PCDHGA4: variants seen among roughly 807,000 people sequenced by gnomAD.
PCDHGA4 encodes the protein protocadherin gamma subfamily A, 4, also known as protocadherin gamma-A4.
Under a neutral mutation model 54.6 loss-of-function variants are expected in PCDHGA4, and 38 were observed. That is an observed-to-expected ratio of 0.70 (90% CI 0.54 to 0.91). The LOEUF (loss-of-function observed/expected upper bound fraction) is 0.91. PCDHGA4 is among the 40% of genes least tolerant of loss of function. PCDHGA4 has a pLI of 0.00. For synonymous variants in PCDHGA4, 511 were observed against 512.9 expected (o/e 1.00, Z 0.05); for missense variants, 1,298 against 1,220.9 (o/e 1.06, Z -0.94).
intron 1 of PCDHGA4, chr5:141,383,026 T>A (rs767610901): frequency 6.2e-7 from 1 of 1,613,590 alleles, no homozygotes; most frequent in Non-Finnish European, 8.5e-7. Context: ...GGACAAAGGG[T>A]CCTTTGTGGG....
Position 141,491,898 on chromosome 5 carries a change from G to C in PCDHGA4, c.2515-2909G>C, listed in dbSNP as rs772673872. 9.0e-5 allele frequency: 129 copies of C among 1,428,816 alleles called. 1 individual carries two copies. In the Middle Eastern group the frequency reaches 2.0e-3, roughly 22 times the overall value. The allele number at this position is 1,428,816 out of a possible 1,614,324, so 88.5% of individuals were successfully genotyped here. On this transcript the variant is annotated intron_variant, in intron 1 of 3. Coordinates refer to ENST00000571252, the MANE Select transcript of PCDHGA4 (RefSeq NM_018917.4). The surrounding 1 kb of genome is among the most constrained non-coding windows in gnomAD (Gnocchi z 6.9). ...ATTAAGGGATGGGGCTCCGAGCACCGGGGGTGGTGGCGACTGTGGGCGAGG... is the reference window on the plus strand; with the variant it reads ...ATTAAGGGATGGGGCTCCGAGCACCCGGGGTGGTGGCGACTGTGGGCGAGG...
intron 1 of PCDHGA4, chr5:141,390,038 C>T: frequency 1.9e-6 from 3 of 1,614,060 alleles, no homozygotes; most frequent in Non-Finnish European, 2.5e-6. Flanking sequence ...GCTCCTCCAG[C>T]CCCGCCTCCT....
At chr5:141,478,142 G>C in intron 1 of PCDHGA4, 1 of 1,613,988 alleles carries the variant, frequency 6.2e-7, no homozygotes, top group South Asian at 1.1e-5. Flanking sequence ...AGCCCGAGCC[G>C]AGTTCCCCTC....
rs370995300 is a variant in PCDHGA4, at chr5:141,399,359, C to T, written c.2514+41738C>T. ...GATGGAACCCTAGACCGAGAGCAAACCCCGGAGTACAATGTCACCATCACA... is the reference window on the plus strand; with the variant it reads ...GATGGAACCCTAGACCGAGAGCAAATCCCGGAGTACAATGTCACCATCACA... On this transcript the variant is annotated intron_variant, in intron 1 of 3. Coordinates refer to ENST00000571252, the MANE Select transcript of PCDHGA4 (RefSeq NM_018917.4). 2.6e-4 allele frequency: 427 copies of T among 1,613,884 alleles called. No individual in the cohort carries two copies. The highest frequency in any genetic ancestry group is 1.2e-4 in the Non-Finnish European group (140 of 1,179,916).
intron 1 of PCDHGA4, chr5:141,393,480 T>G (rs1026854698): frequency 5.0e-6 from 8 of 1,613,942 alleles, no homozygotes; most frequent in Non-Finnish European, 6.8e-6. Context: ...GCCGCCTCGC[T>G]CTAGCACAGT....
intron 1 of PCDHGA4, chr5:141,393,880 T>A (rs1561645063): frequency 6.2e-7 from 1 of 1,614,004 alleles, no homozygotes; most frequent in Non-Finnish European, 8.5e-7. Context: ...TTTAGCCCAG[T>A]GTTAGAAAAT....
intron 1 of PCDHGA4, among the ~76,000 whole-genome samples, chr5:141,449,616 G>A (rs1279953840): frequency 1.6e-4 from 24 of 146,738 alleles, no homozygotes; most frequent in Non-Finnish European, 2.3e-4. Flanking sequence ...AAGTAAAAAA[G>A]TTTTTTAAAA....
At chr5:141,408,251 C>T (rs761835750) in intron 1 of PCDHGA4, 6 of 1,597,008 alleles carry the variant, frequency 3.8e-6, no homozygotes, top group Middle Eastern at 1.7e-4. Context: ...GCGGCAGGTG[C>T]TATTTCCTTT....
rs368232567 is a variant in PCDHGA4, at chr5:141,371,262, C to G, written c.2514+13641C>G. The G allele has an allele frequency of 2.9e-5, 46 of 1,613,882 alleles. No individual in the cohort carries two copies. The African/African-American group carries it at 5.6e-4, about 20-fold the overall frequency. On this transcript the variant is annotated intron_variant, in intron 1 of 3. Transcript: ENST00000571252. ...CATCAATATTGGCAAGGAAGTGAGACAACTGTTCAAGCTGGACAGTAAAAC... is the reference window on the plus strand; with the variant it reads ...CATCAATATTGGCAAGGAAGTGAGAGAACTGTTCAAGCTGGACAGTAAAAC...
At chr5:141,419,424 A>G (rs1197238939) in intron 1 of PCDHGA4, 1 of 1,613,230 alleles carries the variant, frequency 6.2e-7, no homozygotes, top group Admixed American at 1.7e-5. Flanking sequence ...GCCTTCGACC[A>G]CGAGCAGCTG....
In PCDHGA4 at chr5:141,355,202, T is replaced by C. The variant is rs774942581; in HGVS notation, c.95T>C (p.Met32Thr). ...AGGCGACTCCGCGGCGGGGTTGTAA[T>C]GGCGGCGCCTCCTGCTCGCCCAGAC... is the stretch of plus-strand genomic sequence containing the variant. ...KHRRLRGGVV[M>T]AAPPARPDHT... Residue 32 changes from methionine to threonine, a missense_variant, in exon 1 of 4, where the codon ATG becomes ACG. Coordinates refer to ENST00000571252, the MANE Select transcript of PCDHGA4 (RefSeq NM_018917.4). The C allele has an allele frequency of 6.6e-5, 105 of 1,597,250 alleles. No homozygotes were observed. Among genetic ancestry groups the C allele is most frequent in the Non-Finnish European group, 8.4e-5 (98 of 1,170,502 alleles).
chr5:141,460,498 T>G (rs1028506755), intron 1 of PCDHGA4, among the ~76,000 whole-genome samples: 1 of 152,184 alleles, frequency 6.6e-6, no homozygotes. Context: ...TGGAAAAATA[T>G]GCTGAGAAGG....
intron 1 of PCDHGA4, chr5:141,418,426 C>A: frequency 6.2e-7 from 1 of 1,613,948 alleles, no homozygotes; most frequent in South Asian, 1.1e-5. Flanking sequence ...CTGATGGTGG[C>A]AAATATCCAG....
chr5:141,364,847 A>G (rs572371084), intron 1 of PCDHGA4: 2 of 1,614,006 alleles, frequency 1.2e-6, no homozygotes, highest in Admixed American at 1.7e-5. Flanking sequence ...TTACCAGCTC[A>G]GCTCCAATCT....
chr5:141,474,626 G>A (rs1006911535), intron 1 of PCDHGA4, among the ~76,000 whole-genome samples: 5 of 152,288 alleles, frequency 3.3e-5, no homozygotes, highest in African/African-American at 9.6e-5. Flanking sequence ...CATCTCTTCC[G>A]GAAATATCCT....
At chr5:141,392,820 G>T in intron 1 of PCDHGA4, 1 of 1,592,868 alleles carries the variant, frequency 6.3e-7, no homozygotes. Flanking sequence ...AACAATGGCC[G>T]CTCCACAGAG....
intron 1 of PCDHGA4, chr5:141,407,873 A>G (rs561323423): frequency 2.0e-5 from 7 of 354,686 alleles, no homozygotes; most frequent in African/African-American, 1.3e-4. Context: ...CGAAGAATAT[A>G]TACATTTCGG....
chr5:141,390,388 G>C, intron 1 of PCDHGA4: 1 of 1,423,474 alleles, frequency 7.0e-7, no homozygotes, highest in Admixed American at 2.1e-5. Context: ...TAGATGTCAT[G>C]GATCATTTTA....
intron 1 of PCDHGA4, chr5:141,414,744 C>T (rs1381345965): frequency 6.2e-7 from 1 of 1,614,210 alleles, no homozygotes; most frequent in Non-Finnish European, 8.5e-7. Context: ...CACTCAGATC[C>T]TTCGACTATG....
Sources: gnomAD v4.1 joint callset for allele counts (sites outside exome capture counted in the v4.1 genomes callset) on GRCh38, gnomAD v4.1.1 for gene constraint, Gnocchi (gnomAD v3.1) non-coding constraint, MANE v1.5 for transcripts, NCBI Gene and HGNC (gene_info 2026-07-23, HGNC 2026-07-21) for gene names.